Variants in MKLN1 observed in about 807,000 individuals in gnomAD.
The protein encoded by MKLN1 is muskelin.
Under a neutral mutation model 99.0 loss-of-function variants are expected in MKLN1, and 18 were observed. The ratio of observed to expected loss-of-function variants is 0.18; its 90% CI spans 0.13 to 0.27. MKLN1 has a LOEUF of 0.27. Ranked by LOEUF, MKLN1 falls within the 10% of genes least tolerant of loss-of-function variation. The pLI is 1.00. For synonymous variants in MKLN1, 288 were observed against 293.2 expected (o/e 0.98, Z 0.18); for missense variants, 621 against 875.9 (o/e 0.71, Z 3.67).
Position 131,492,249 on chromosome 7 carries a change from A to T in MKLN1, c.*4521A>T, listed in dbSNP as rs1007599999. ...TGTATTTTTTAACCTTTTTGTTTCT[A>T]TTCCTACCTCCCATGAGTAACATTG... On this transcript the variant is annotated 3_prime_UTR_variant, in exon 18 of 18. Coordinates refer to ENST00000352689, the MANE Select transcript of MKLN1 (RefSeq NM_013255.5). 1 of 152,110 alleles carries T rather than the reference A, an allele frequency of 6.6e-6. No individual in the cohort carries two copies. Among genetic ancestry groups the T allele is most frequent in the Non-Finnish European group, 1.5e-5 (1 of 68,000 alleles). 9.4% of individuals were successfully genotyped at this position (152,110 alleles called of 1,614,324 possible). A position where few individuals can be genotyped will look rare whatever the true frequency, so the allele number is the denominator to read the frequency against.
chr7:131,306,710 A>C (rs546488713), intron 3 of MKLN1, among the ~76,000 whole-genome samples: 1 of 152,332 alleles, frequency 6.6e-6, no homozygotes, highest in African/African-American at 2.4e-5. Context: ...TCACAAAGAG[A>C]TGATCTGAAA....
chr7:131,381,112 T>C (rs1448002961), intron 2 of MKLN1, among the ~76,000 whole-genome samples: 1 of 152,226 alleles, frequency 6.6e-6, no homozygotes, highest in Non-Finnish European at 1.5e-5. Context: ...ATAACTCATA[T>C]CATAATGAGT....
At chr7:131,419,001 A>G (rs868167960) in intron 8 of MKLN1, among the ~76,000 whole-genome samples, 9 of 152,108 alleles carry the variant, frequency 5.9e-5, no homozygotes, top group African/African-American at 2.2e-4. Flanking sequence ...ATCAGAAAAT[A>G]CTATTCAGAA....
intron 7 of MKLN1, among the ~76,000 whole-genome samples, chr7:131,412,073 CGA>C (rs536870262): frequency 6.6e-5 from 10 of 151,896 alleles, no homozygotes; most frequent in Non-Finnish European, 1.5e-4. Context: ...GGCAACAGAG[CGA>C]GACTCTGTCT....
At chr7:131,356,269 A>G (rs1799875507) in intron 1 of MKLN1, among the ~76,000 whole-genome samples, 1 of 151,900 alleles carries the variant, frequency 6.6e-6, no homozygotes, top group African/African-American at 2.4e-5. Context: ...CAGGTGTTTT[A>G]TATCTATTAG....
At chr7:131,184,671 C>T (rs1053203142) in intron 2 of MKLN1, among the ~76,000 whole-genome samples, 5 of 152,036 alleles carry the variant, frequency 3.3e-5, no homozygotes, top group African/African-American at 1.2e-4. Context: ...ATTACAGGTG[C>T]CCGCCACTAC....
chr7:131,309,150 A>T (rs780049311), intron 3 of MKLN1, among the ~76,000 whole-genome samples: 1 of 152,208 alleles, frequency 6.6e-6, no homozygotes, highest in Non-Finnish European at 1.5e-5. Context: ...CATCACTTAA[A>T]ATCATGTCCT....
intron 4 of MKLN1, among the ~76,000 whole-genome samples, chr7:131,393,636 G>GT (rs1158770924): frequency 6.7e-6 from 1 of 150,066 alleles, no homozygotes; most frequent in Admixed American, 6.6e-5. Flanking sequence ...GTTTTGTTTT[G>GT]TTTTTTAAGA....
At chr7:131,123,184 G>A (rs1373239816) in intron 1 of MKLN1, among the ~76,000 whole-genome samples, 1 of 152,152 alleles carries the variant, frequency 6.6e-6, no homozygotes, top group Non-Finnish European at 1.5e-5. Flanking sequence ...TACAGTAATA[G>A]ATGTAGTTGA....
chr7:131,327,813 G>A (rs1798926914), upstream of MKLN1: 2 of 1,504,558 alleles, frequency 1.3e-6, no homozygotes, highest in South Asian at 1.3e-5. Flanking sequence ...CGGGGAGGGC[G>A]GCGGCCCCTT....
Position 131,303,153 on chromosome 7 carries a change from A to G in MKLN1, c.-178-72271A>G, listed in dbSNP as rs137897762. ...ATTATTGCCAGCTCCTGAACTCCCA[A>G]TGCCCCAGCTCCAACTAAGCTCTGC... On this transcript the variant is annotated intron_variant, in intron 3 of 7. Coordinates refer to the MKLN1 transcript ENST00000416992. Among the ~76,000 whole-genome samples the G allele has an allele frequency of 2.1e-3, 318 of 152,348 alleles. 8 individuals are homozygous for G. In the East Asian group the frequency reaches 0.043, roughly 21 times the overall value.
At chr7:131,114,909 C>T (rs534471751) in intron 1 of MKLN1, among the ~76,000 whole-genome samples, 1 of 151,340 alleles carries the variant, frequency 6.6e-6, no homozygotes, top group African/African-American at 2.4e-5. Context: ...GCACTCCAGC[C>T]TGGGCAACAG....
At chr7:131,275,126 A>G (rs1013735380) in intron 3 of MKLN1, among the ~76,000 whole-genome samples, 1 of 152,126 alleles carries the variant, frequency 6.6e-6, no homozygotes, top group Admixed American at 6.6e-5. Flanking sequence ...TATTTCTCAC[A>G]GTTCTGGAGA....
At chr7:131,264,992 C>T (rs1046476496) in intron 3 of MKLN1, among the ~76,000 whole-genome samples, 5 of 152,146 alleles carry the variant, frequency 3.3e-5, no homozygotes, top group Non-Finnish European at 5.9e-5. Context: ...GTACCCACCA[C>T]CATGTCTGGC....
In MKLN1 at chr7:131,173,968, C is replaced by CTTTTTTTT. The variant is rs796102760; in HGVS notation, c.-296-28884_-296-28883insTTTTTTTT. ...TTCTCCAGAGTTTAAAGACCTTTTT[C>CTTTTTTTT]TTTTTCTTTTTTTTTTTTTTTTGAG... On this transcript the variant is annotated intron_variant, in intron 2 of 7. Coordinates refer to the MKLN1 transcript ENST00000416992. Among the ~76,000 whole-genome samples, 57 of 118,652 alleles carry CTTTTTTTT rather than the reference C, an allele frequency of 4.8e-4. 5 individuals are homozygous for CTTTTTTTT. The highest frequency in any genetic ancestry group is 6.1e-4 in the African/African-American group (20 of 32,882). The allele number at this position is 118,652 out of a possible 152,430, so 77.8% of individuals were successfully genotyped here.
chr7:131,329,521 A>G (rs539477007), intron 1 of MKLN1, among the ~76,000 whole-genome samples: 2 of 152,252 alleles, frequency 1.3e-5, no homozygotes, highest in East Asian at 1.9e-4. Context: ...GCTTTTTTCT[A>G]TACCCAGGCT....
chr7:131,176,177 C>T (rs28526384), intron 2 of MKLN1, among the ~76,000 whole-genome samples: 2,547 of 151,946 alleles, frequency 0.017, 75 homozygotes, highest in African/African-American at 0.059. Context: ...TTAATTTATA[C>T]GAAATAATAA....
intron 6 of MKLN1, among the ~76,000 whole-genome samples, chr7:131,400,518 A>AT (rs1554567982): frequency 0.019 from 2,570 of 137,396 alleles, 43 homozygotes; most frequent in African/African-American, 0.049. Context: ...ATAAAAAAAA[A>AT]ATATATATAT....
intron 3 of MKLN1, among the ~76,000 whole-genome samples, chr7:131,253,224 C>T (rs2116519855): frequency 6.6e-6 from 1 of 152,312 alleles, no homozygotes; most frequent in African/African-American, 2.4e-5. Flanking sequence ...TGTTCCCTCC[C>T]TCCCTGCCCA....
Sources: gnomAD v4.1 joint callset for allele counts (sites outside exome capture counted in the v4.1 genomes callset) on GRCh38, gnomAD v4.1.1 for gene constraint, MANE v1.5 for transcripts, NCBI Gene and HGNC (gene_info 2026-07-23, HGNC 2026-07-21) for gene names.